SPDYE4: variants seen among roughly 807,000 people sequenced by gnomAD.
SPDYE4 encodes the protein speedy protein E4.
A neutral mutation model predicts 37.5 loss-of-function variants in SPDYE4; 30 were observed. That is an observed-to-expected ratio of 0.80 (90% CI 0.60 to 1.09). The LOEUF is 1.09. Among genes scored for constraint, SPDYE4 ranks in the 50% least tolerant of loss-of-function variants. SPDYE4 has a pLI of 0.00. For missense variants in SPDYE4, 300 were observed against 307.9 expected (o/e 0.97, Z 0.19); for synonymous variants, 131 against 120.3 (o/e 1.09, Z -0.58).
intron 5 of SPDYE4, 41 bp downstream of exon 5, chr17:8,753,280 C>CCAA: frequency 2.9e-6 from 4 of 1,367,640 alleles, no homozygotes; most frequent in Non-Finnish European, 3.0e-6. Context: ...CAGTCCACCC[C>CCAA]ATCCCTCCCC....
chr17:8,757,499 G>A lies in SPDYE4; in HGVS notation c.110-7C>T, dbSNP rs1423090307. 6.2e-7 allele frequency: 1 copy of A among 1,608,256 alleles called. No individual in the cohort carries two copies. The highest frequency in any genetic ancestry group is 8.5e-7 in the Non-Finnish European group (1 of 1,177,212). ...CTGGGATCTATCCAAGGGGCTGAGT[G>A]AAGAAACCAGGCCATGGTGTCATGT... On this transcript the variant is annotated splice_polypyrimidine_tract_variant and splice_region_variant and intron_variant, in intron 1 of 6. Transcript: ENST00000689094.
At chr17:8,757,138 C>T in intron 2 of SPDYE4, 124 bp downstream of exon 2, 2 of 854,316 alleles carry the variant, frequency 2.3e-6, no homozygotes, top group Non-Finnish European at 3.6e-6. Context: ...AAGCATCCTC[C>T]TCCTGCATGG....
rs56985159 is a variant in SPDYE4, at chr17:8,753,533, G to A, written c.486-44C>T. On this transcript the variant is annotated intron_variant, in intron 4 of 6. Transcript: ENST00000689094. ...TTGCTGCTCAGGGGCCCCACCAGGA[G>A]GGACCCCTGCCTGAGGGCAGCCTCT... 3 of 1,604,742 alleles carry A rather than the reference G, an allele frequency of 1.9e-6. No individual in the cohort carries two copies. In the Admixed American group the frequency reaches 5.1e-5, roughly 27 times the overall value.
chr17:8,756,240 G>C, intron 3 of SPDYE4, 138 bp downstream of exon 3: 1 of 779,662 alleles, frequency 1.3e-6, no homozygotes, highest in Non-Finnish European at 2.1e-6. Context: ...AAATCAAAAT[G>C]TGGGCGCCCA....
intron 4 of SPDYE4, 146 bp from the exon 5 acceptor site, chr17:8,753,635 GC>G: frequency 1.1e-6 from 1 of 942,388 alleles, no homozygotes. Context: ...TCCTCAGGAG[GC>G]CCCGCTGGAC....
At position 8,758,384 on chromosome 17, in the gene SPDYE4, A is replaced by T; in HGVS notation, c.-2T>A. The T allele has an allele frequency of 6.4e-7, 1 of 1,550,994 alleles. No individual in the cohort carries two copies. The highest frequency in any genetic ancestry group is 8.7e-7 in the Non-Finnish European group (1 of 1,146,470). The stretch of plus-strand genomic sequence containing the variant: ...GGGGCGCGCTTGACCACTGGCCATA[A>T]TCTCTCCCAAACACTTTGTTTCTGT... On this transcript the variant is annotated 5_prime_UTR_variant, in exon 1 of 7. Coordinates refer to ENST00000689094, the MANE Select transcript of SPDYE4 (RefSeq NM_001394956.1).
intron 4 of SPDYE4, among the ~76,000 whole-genome samples, chr17:8,755,018 G>A (rs781064773): frequency 7.2e-5 from 11 of 152,208 alleles, no homozygotes; most frequent in African/African-American, 2.4e-4. Context: ...GGCAGTGAAG[G>A]GGGGGTGGGA....
rs1362414087 is a variant in SPDYE4 at position 8,751,404 on chromosome 17, G to C, written c.*878C>G. ...TGTATAGTATATATTGGACATGTTAGTATATATGGAAGGCATGTTAAAAAT... is the reference window on the plus strand; with the variant it reads ...TGTATAGTATATATTGGACATGTTACTATATATGGAAGGCATGTTAAAAAT... On this transcript the variant is annotated 3_prime_UTR_variant, in exon 7 of 7. Transcript: ENST00000689094. 1.3e-5 allele frequency among the ~76,000 whole-genome samples: 2 copies of C among 152,158 alleles called. No individual in the cohort carries two copies. The highest frequency in any genetic ancestry group is 2.9e-5 in the Non-Finnish European group (2 of 68,032).
In SPDYE4 at chr17:8,755,568, G is replaced by A; in HGVS notation, c.437C>T (p.Ala146Val). Residue 146 changes from alanine to valine, a missense_variant, in exon 4 of 7, where the codon GCC (alanine) becomes GTC (valine). Coordinates refer to ENST00000689094, the MANE Select transcript of SPDYE4 (RefSeq NM_001394956.1). ...LAMVIAYFSR[A>V]GLFSWQYQRI... ...TTGGTATTGCCACGAGAAGAGGCCG[G>A]CACGGCTAAAATACGCTATGACCAT... The A allele has an allele frequency of 6.2e-7, 1 of 1,612,522 alleles. No homozygotes were observed. The highest frequency in any genetic ancestry group is 8.5e-7 in the Non-Finnish European group (1 of 1,179,564).
chr17:8,756,472 G>C, intron 2 of SPDYE4, 36 bp from the exon 3 acceptor site: 4 of 1,603,824 alleles, frequency 2.5e-6, no homozygotes, highest in Non-Finnish European at 3.4e-6. Context: ...GTGAGAAGTG[G>C]AACAGGGTTG....
intron 4 of SPDYE4, 62 bp downstream of exon 4, chr17:8,755,458 C>T (rs1174577055): frequency 3.2e-6 from 5 of 1,551,638 alleles, no homozygotes; most frequent in South Asian, 1.1e-5. Context: ...GGTTGGAATC[C>T]CACTTCGTCC....
At chr17:8,755,696 C>T (rs2086766430) in intron 3 of SPDYE4, 91 bp from the exon 4 acceptor site, 24 of 1,468,498 alleles carry the variant, frequency 1.6e-5, no homozygotes, top group Middle Eastern at 3.6e-4. Context: ...GGCTGGGGCG[C>T]GGTTGTCTAT....
intron 2 of SPDYE4, 42 bp from the exon 3 acceptor site, chr17:8,756,478 G>C: frequency 1.9e-6 from 3 of 1,589,442 alleles, no homozygotes; most frequent in Non-Finnish European, 2.6e-6. Flanking sequence ...AGTGGAACAG[G>C]GTTGCCGTGG....
chr17:8,757,787 T>C (rs77506302), intron 1 of SPDYE4, among the ~76,000 whole-genome samples: 48 of 134,364 alleles, frequency 3.6e-4, no homozygotes, highest in African/African-American at 7.4e-4. Flanking sequence ...CTCTCTCTCT[T>C]TTTTTTTTTT....
chr17:8,750,198 G>A (rs565185745), downstream of SPDYE4, among the ~76,000 whole-genome samples: 60 of 152,078 alleles, frequency 3.9e-4, no homozygotes, highest in South Asian at 1.5e-3. Context: ...AGACCAGCCC[G>A]GCCAACATGG....
rs759857191 is a variant in SPDYE4 at position 8,753,337 on chromosome 17, G to A, written c.638C>T (p.Pro213Leu). 1 of 1,506,654 alleles carries A rather than the reference G, an allele frequency of 6.6e-7. No individual in the cohort carries two copies. The highest frequency in any genetic ancestry group is 8.9e-7 in the Non-Finnish European group (1 of 1,122,866). 93.3% of individuals were successfully genotyped at this position (1,506,654 alleles called of 1,614,324 possible). ...CSMRWRTWVS[P>L]EEMEEIQAYD... ...CCCACCTACCTCCTCCATCTCCTCT[G>A]GGGAAACCCACGTCCTCCAGCGCAT... Residue 213 changes from proline to leucine, a missense_variant, in exon 5 of 7, where the codon CCA becomes CTA. By Grantham distance (98) the Pro-to-Leu change is moderately conservative (BLOSUM62 -3). Coordinates refer to ENST00000689094, the MANE Select transcript of SPDYE4 (RefSeq NM_001394956.1).
chr17:8,757,149 A>G (rs889383380), intron 2 of SPDYE4, 113 bp downstream of exon 2: 1 of 928,766 alleles, frequency 1.1e-6, no homozygotes, highest in Non-Finnish European at 1.6e-6. Flanking sequence ...TCCTGCATGG[A>G]GCGCTCATCC....
At position 8,751,979 on chromosome 17, in the gene SPDYE4, G is replaced by A. The variant is rs758211195; in HGVS notation, c.*303C>T. Among the ~76,000 whole-genome samples, 8 of 152,280 alleles carry A rather than the reference G, an allele frequency of 5.3e-5. No homozygotes were observed. Among genetic ancestry groups the A allele is most frequent in the Middle Eastern group, 6.8e-3 (2 of 294 alleles). ...CCAGGGGAGGCTGGGATTCAGCAAC[G>A]TGAAAAGGGAGGTTTTGCCGCAGGA... On this transcript the variant is annotated 3_prime_UTR_variant, in exon 7 of 7. Coordinates refer to ENST00000689094, the MANE Select transcript of SPDYE4 (RefSeq NM_001394956.1).
chr17:8,757,785 CTTT>C (rs1555524402), intron 1 of SPDYE4, among the ~76,000 whole-genome samples: 2 of 107,374 alleles, frequency 1.9e-5, no homozygotes, highest in Non-Finnish European at 4.3e-5. Context: ...CTCTCTCTCT[CTTT>C]TTTTTTTTTT....
Sources: gnomAD v4.1 joint callset for allele counts (sites outside exome capture counted in the v4.1 genomes callset) on GRCh38, gnomAD v4.1.1 for gene constraint, MANE v1.5 for transcripts, NCBI Gene and HGNC (gene_info 2026-07-23, HGNC 2026-07-21) for gene names.